SLC2A10: variants seen among roughly 807,000 people sequenced by gnomAD.
SLC2A10 encodes solute carrier family 2, facilitated glucose transporter member 10.
Under a neutral mutation model 32.1 loss-of-function variants are expected in SLC2A10, and 25 were observed. The observed-to-expected ratio is 0.78, with a 90% CI of 0.57 to 1.09. The LOEUF (loss-of-function observed/expected upper bound fraction) is 1.09, where lower values mean the gene tolerates loss of function less well. Among genes scored for constraint, SLC2A10 ranks in the 50% least tolerant of loss-of-function variants. SLC2A10 has a pLI of 0.00. For missense variants in SLC2A10, 673 were observed against 686.5 expected (o/e 0.98, Z 0.22); for synonymous variants, 332 against 309.6 (o/e 1.07, Z -0.76).
At chr20:46,719,816 C>A (rs1979449978) in intron 1 of SLC2A10, among the ~76,000 whole-genome samples, 1 of 152,176 alleles carries the variant, frequency 6.6e-6, no homozygotes, top group Non-Finnish European at 1.5e-5. Flanking sequence ...GAGCATACTT[C>A]CTGAGCCTCC....
chr20:46,729,327 C>G, intron 3 of SLC2A10, 26 bp from the exon 4 acceptor site: 1 of 1,612,764 alleles, frequency 6.2e-7, no homozygotes, highest in Non-Finnish European at 8.5e-7. Flanking sequence ...GGTCCTGGGC[C>G]TACACTCCCG....
rs370141550 is a variant in SLC2A10 at position 46,733,779 on chromosome 20, G to A, written c.1571G>A (p.Arg524Lys). 178 of 1,614,044 alleles carry A rather than the reference G, an allele frequency of 1.1e-4. No individual in the cohort carries two copies. The highest frequency in any genetic ancestry group is 1.4e-4 in the Non-Finnish European group (171 of 1,180,042). The change falls in exon 5 of 5, where the codon AGG becomes AAG. Residue 524 changes from arginine (R) to lysine (K), a missense_variant. Arg to Lys is a conservative substitution (Grantham distance 26). Transcript: ENST00000359271. ...AGGTTCACCCTGAGCTTTGGCCACA[G>A]GCAGAACTCCACTGGCATCCCGTAC... ...KRRFTLSFGH[R>K]QNSTGIPYSR... is the part of the protein sequence containing the mutation.
At chr20:46,726,733 G>C in intron 2 of SLC2A10, 131 bp from the exon 3 acceptor site, 1 of 1,210,534 alleles carries the variant, frequency 8.3e-7, no homozygotes. Flanking sequence ...ATAGCAGAAT[G>C]GGAGTGGGAG....
chr20:46,730,411 C>T (rs936435971), intron 4 of SLC2A10, among the ~76,000 whole-genome samples: 1 of 152,074 alleles, frequency 6.6e-6, no homozygotes, highest in African/African-American at 2.4e-5. Context: ...CAGGTTGACA[C>T]AGGAGGAACA....
At chr20:46,724,499 T>C (rs149397104) in intron 1 of SLC2A10, among the ~76,000 whole-genome samples, 35 of 152,220 alleles carry the variant, frequency 2.3e-4, no homozygotes, top group African/African-American at 8.2e-4. Flanking sequence ...AATATTTGGA[T>C]GGATGAAGTA....
At position 46,725,466 on chromosome 20, in the gene SLC2A10, A is replaced by T. The variant is rs748746893; in HGVS notation, c.430A>T (p.Thr144Ser). The T allele has an allele frequency of 6.2e-7, 1 of 1,614,098 alleles. No individual in the cohort carries two copies. The highest frequency in any genetic ancestry group is 1.7e-5 in the Admixed American group (1 of 60,018). Reference sequence around the variant, plus strand: ...GGTGTCCCTCTATGAGGCAGGCATCACCGTGGGCATCCTGCTCTCCTATGC... The same window carrying T: ...GGTGTCCCTCTATGAGGCAGGCATCTCCGTGGGCATCCTGCTCTCCTATGC... Reference protein sequence around the residue: ...VLVSLYEAGITVGILLSYALN... With the variant: ...VLVSLYEAGISVGILLSYALN... Residue 144 changes from threonine to serine, a missense_variant, in exon 2 of 5, where the codon ACC becomes TCC. Thr to Ser is a moderately conservative substitution (Grantham distance 58). Transcript: ENST00000359271.
chr20:46,722,935 C>T (rs1030023997), intron 1 of SLC2A10, among the ~76,000 whole-genome samples: 2 of 152,164 alleles, frequency 1.3e-5, no homozygotes, highest in African/African-American at 4.8e-5. Flanking sequence ...TCTTAGTTTT[C>T]GTTAGCACTC....
At chr20:46,729,218 T>G (rs1980140207) in intron 3 of SLC2A10, 135 bp from the exon 4 acceptor site, 2 of 1,095,306 alleles carry the variant, frequency 1.8e-6, no homozygotes, top group Non-Finnish European at 2.8e-6. Flanking sequence ...TTGGTCACTC[T>G]GCAAATTGAC....
At chr20:46,714,201 G>T (rs1428127442) in intron 1 of SLC2A10, among the ~76,000 whole-genome samples, 1 of 151,828 alleles carries the variant, frequency 6.6e-6, no homozygotes, top group Non-Finnish European at 1.5e-5. Flanking sequence ...GTGGCTCCAG[G>T]CAAGTAAAAC....
chr20:46,735,028 C>T lies in SLC2A10; in HGVS notation c.*1194C>T, dbSNP rs1356707089. ...GGAGGGTCCCCAGCTGGTCCAGGGCCTGGGAAATTTCTACTTATCCTCATT... is the reference window on the plus strand; with the variant it reads ...GGAGGGTCCCCAGCTGGTCCAGGGCTTGGGAAATTTCTACTTATCCTCATT... On this transcript the variant is annotated 3_prime_UTR_variant, in exon 5 of 5. Coordinates refer to ENST00000359271, the MANE Select transcript of SLC2A10 (RefSeq NM_030777.4). 6.6e-6 allele frequency: 1 copy of T among 152,562 alleles called. No individual in the cohort carries two copies. Among genetic ancestry groups the T allele is most frequent in the Non-Finnish European group, 1.5e-5 (1 of 68,044 alleles). The allele number at this position is 152,562 out of a possible 1,614,324, so 9.5% of individuals were successfully genotyped here.
At chr20:46,728,604 GTTTTTTTTT>G (rs778644499) in intron 3 of SLC2A10, among the ~76,000 whole-genome samples, 3 of 101,352 alleles carry the variant, frequency 3.0e-5, no homozygotes, top group African/African-American at 1.2e-4. Context: ...TTCTGGGTGT[GTTTTTTTTT>G]TTTTTTTTTT....
intron 1 of SLC2A10, among the ~76,000 whole-genome samples, chr20:46,721,797 T>C (rs958943106): frequency 1.3e-5 from 2 of 152,238 alleles, no homozygotes; most frequent in South Asian, 4.1e-4. Flanking sequence ...AGTTCTTTTT[T>C]CTTGTCTATG....
At chr20:46,710,645 G>T (rs1978853807) in intron 1 of SLC2A10, among the ~76,000 whole-genome samples, 1 of 152,176 alleles carries the variant, frequency 6.6e-6, no homozygotes, top group African/African-American at 2.4e-5. Flanking sequence ...TCTGGAGAAA[G>T]AGCTTCCAGG....
chr20:46,717,150 A>C (rs1182401620), intron 1 of SLC2A10, among the ~76,000 whole-genome samples: 2 of 152,242 alleles, frequency 1.3e-5, no homozygotes, highest in Non-Finnish European at 2.9e-5. Context: ...ATTGCAGAAA[A>C]TGCTGTCAGA....
chr20:46,708,655 C>T (rs1322220830), upstream of SLC2A10, among the ~76,000 whole-genome samples: 7 of 152,206 alleles, frequency 4.6e-5, no homozygotes, highest in East Asian at 1.2e-3. Context: ...AACAGCCTCC[C>T]AGGTGGGAAG....
intron 3 of SLC2A10, among the ~76,000 whole-genome samples, chr20:46,728,665 T>C (rs6012022): frequency 0.04 from 5,451 of 137,548 alleles, 292 homozygotes; most frequent in African/African-American, 0.13. Context: ...GAGTGCAGGG[T>C]GGAGTGCAGT....
intron 3 of SLC2A10, among the ~76,000 whole-genome samples, chr20:46,727,825 G>C (rs1277562658): frequency 6.6e-5 from 10 of 152,144 alleles, no homozygotes; most frequent in Admixed American, 6.5e-4. Flanking sequence ...CTCCTTCACT[G>C]TGGTCCCCAA....
chr20:46,710,111 G>C (rs1359923786), intron 1 of SLC2A10: 1 of 458,594 alleles, frequency 2.2e-6, no homozygotes, highest in East Asian at 3.5e-5. Flanking sequence ...TCGATTCGCT[G>C]AGCGCGGTTG....
chr20:46,721,077 G>A (rs1979524973), intron 1 of SLC2A10, among the ~76,000 whole-genome samples: 1 of 152,096 alleles, frequency 6.6e-6, no homozygotes, highest in Admixed American at 6.5e-5. Context: ...CTTACAGAGT[G>A]GCTTGGGGCT....
Sources: gnomAD v4.1 joint callset for allele counts (sites outside exome capture counted in the v4.1 genomes callset) on GRCh38, gnomAD v4.1.1 for gene constraint, MANE v1.5 for transcripts, NCBI Gene and HGNC (gene_info 2026-07-23, HGNC 2026-07-21) for gene names.